Variants in CACNA1E observed in about 807,000 individuals in gnomAD.
CACNA1E encodes the protein voltage-dependent R-type calcium channel subunit alpha-1E.
A neutral mutation model predicts 259.2 loss-of-function variants in CACNA1E; 40 were observed. The observed-to-expected ratio is 0.15, with a 90% CI of 0.12 to 0.20. The LOEUF (loss-of-function observed/expected upper bound fraction) is 0.20, where lower values mean the gene tolerates loss of function less well. CACNA1E is among the 10% of genes least tolerant of loss of function. CACNA1E has a pLI of 1.00. For synonymous variants in CACNA1E, 1,104 were observed against 1,138.5 expected, an observed-to-expected ratio of 0.97 and a Z score of 0.61; for missense variants, 1,874 against 3,040.1, an observed-to-expected ratio of 0.62 and a Z score of 9.02.
chr1:181,418,847 C>CAT lies in CACNA1E; in HGVS notation c.434+5267_434+5268insAT, dbSNP rs541694266. ...CCTTTTATTATTTTTATTCCACACACGTATATGATACTAGATGCCCAGCAC... is the reference window on the plus strand; with the variant it reads ...CCTTTTATTATTTTTATTCCACACACATGTATATGATACTAGATGCCCAGCAC... On this transcript the variant is annotated intron_variant, in intron 2 of 11. Transcript: ENST00000524607. Among the ~76,000 whole-genome samples, 632 of 151,962 alleles carry CAT rather than the reference C, an allele frequency of 4.2e-3. 4 individuals are homozygous for CAT. The highest frequency in any genetic ancestry group is 0.013 in the African/African-American group (555 of 41,420).
chr1:181,490,188 G>T (rs1483799871), intron 1 of CACNA1E, among the ~76,000 whole-genome samples: 1 of 152,166 alleles, frequency 6.6e-6, no homozygotes, highest in Non-Finnish European at 1.5e-5. Context: ...TAGAAGATGT[G>T]TTCTTATAAG....
At chr1:181,554,305 C>T (rs1354887752) in intron 3 of CACNA1E, among the ~76,000 whole-genome samples, 3 of 152,158 alleles carry the variant, frequency 2.0e-5, no homozygotes, top group Non-Finnish European at 2.9e-5. Flanking sequence ...TGAGCCACTG[C>T]GCCCAGCCTG....
chr1:181,520,529 C>T (rs1666921432), intron 3 of CACNA1E, among the ~76,000 whole-genome samples: 1 of 152,010 alleles, frequency 6.6e-6, no homozygotes, highest in Admixed American at 6.5e-5. Flanking sequence ...GGTCATTTAT[C>T]TCTATAAAAC....
At chr1:181,599,837 C>T (rs1305445753) in intron 6 of CACNA1E, among the ~76,000 whole-genome samples, 1 of 152,196 alleles carries the variant, frequency 6.6e-6, no homozygotes, top group East Asian at 1.9e-4. Context: ...TTTCCAATTG[C>T]ATTTTTTTAA....
intron 2 of CACNA1E, among the ~76,000 whole-genome samples, chr1:181,455,225 A>C (rs1187797579): frequency 2.6e-5 from 4 of 152,226 alleles, no homozygotes; most frequent in Non-Finnish European, 4.4e-5. Flanking sequence ...AATTTGGCTC[A>C]TCCTTGAAAT....
At chr1:181,627,460 G>A (rs773010271) in intron 6 of CACNA1E, among the ~76,000 whole-genome samples, 7 of 152,194 alleles carry the variant, frequency 4.6e-5, no homozygotes, top group Admixed American at 1.3e-4. Context: ...CCTTAGGAGT[G>A]GGGGGAGATA....
chr1:181,680,523 A>G (rs1160933089), intron 7 of CACNA1E, among the ~76,000 whole-genome samples: 1 of 152,138 alleles, frequency 6.6e-6, no homozygotes, highest in Non-Finnish European at 1.5e-5. Flanking sequence ...TTCCACCCGC[A>G]CATGTTCTCT....
At chr1:181,548,131 T>TTCTTTTC (rs769789886) in intron 3 of CACNA1E, among the ~76,000 whole-genome samples, 6 of 126,442 alleles carry the variant, frequency 4.7e-5, no homozygotes, top group African/African-American at 3.0e-4. Flanking sequence ...TTTTTTTTCT[T>TTCTTTTC]TTTTTTTTTT....
chr1:181,726,407 A>G (rs534272375), intron 18 of CACNA1E, among the ~76,000 whole-genome samples: 8 of 152,350 alleles, frequency 5.3e-5, no homozygotes, highest in South Asian at 2.1e-4. Flanking sequence ...ACAGGGTCCT[A>G]TGGTGGAGAA....
chr1:181,542,694 G>A (rs888269018), intron 3 of CACNA1E, among the ~76,000 whole-genome samples: 1 of 151,806 alleles, frequency 6.6e-6, no homozygotes, highest in Non-Finnish European at 1.5e-5. Flanking sequence ...TGAACTGTGA[G>A]TCAGTTAAAA....
chr1:181,766,401 A>T, intron 34 of CACNA1E, 145 bp from the exon 35 acceptor site: 1 of 651,296 alleles, frequency 1.5e-6, no homozygotes, highest in South Asian at 1.9e-5. Context: ...TACACCTCAA[A>T]ACAGAACAAC....
intron 6 of CACNA1E, among the ~76,000 whole-genome samples, chr1:181,635,965 G>A (rs1328449798): frequency 6.6e-6 from 1 of 152,158 alleles, no homozygotes; most frequent in Non-Finnish European, 1.5e-5. Context: ...TATATGGGGT[G>A]ATAAGTATTG....
chr1:181,716,117 A>G lies in CACNA1E; in HGVS notation c.1303A>G (p.Ile435Val). ...RDSSDEHCVDISSVGTPLARA... is the reference protein window; with the variant it reads ...RDSSDEHCVDVSSVGTPLARA... ...CTCCAGTGATGAGCACTGTGTTGAT[A>G]TCTCCTCTGTGGGTGAGTGGATCCA... The change falls in exon 10 of 48, where the codon ATC (isoleucine) becomes GTC (valine). Residue 435 changes from isoleucine (I) to valine (V), a missense_variant. Around this residue, in one of 14 missense-constraint regions of CACNA1E, gnomAD observed 157 missense variants for 203.5 expected, o/e 0.77. Transcript: ENST00000367573. The G allele has an allele frequency of 6.4e-7, 1 of 1,561,196 alleles. No homozygotes were observed. The highest frequency in any genetic ancestry group is 8.7e-7 in the Non-Finnish European group (1 of 1,150,676).
chr1:181,475,892 A>G (rs938631190), intron 2 of CACNA1E, among the ~76,000 whole-genome samples: 1 of 152,132 alleles, frequency 6.6e-6, no homozygotes, highest in African/African-American at 2.4e-5. Context: ...TCTAGGAGCT[A>G]GATGTGGTGT....
At chr1:181,624,953 G>A (rs1038107019) in intron 6 of CACNA1E, among the ~76,000 whole-genome samples, 1 of 151,912 alleles carries the variant, frequency 6.6e-6, no homozygotes, top group African/African-American at 2.4e-5. Context: ...AATGGATGTT[G>A]TGTTATCAGG....
intron 1 of CACNA1E, among the ~76,000 whole-genome samples, chr1:181,343,959 C>A (rs994308347): frequency 7.9e-5 from 12 of 152,166 alleles, no homozygotes; most frequent in Non-Finnish European, 1.6e-4. Context: ...CTTGTCCCTA[C>A]CCCCCTCACC....
rs376700412 is a variant in CACNA1E at position 181,485,176 on chromosome 1, G to A, written c.266+1166G>A. Among the ~76,000 whole-genome samples, 10 of 152,148 alleles carry A rather than the reference G, an allele frequency of 6.6e-5. No individual in the cohort carries two copies. The highest frequency in any genetic ancestry group is 5.9e-4 in the Admixed American group (9 of 15,272). ...ATTTGGGAGGGATGCATCTGCAATG[G>A]AGGCCCCTTCTTTTCTCCCCTATTC... On this transcript the variant is annotated intron_variant, in intron 1 of 47. Transcript: ENST00000367573. The surrounding 1 kb of genome is among the most constrained non-coding windows in gnomAD (Gnocchi z 4.2).
At chr1:181,545,527 T>A (rs955007859) in intron 3 of CACNA1E, among the ~76,000 whole-genome samples, 1 of 152,040 alleles carries the variant, frequency 6.6e-6, no homozygotes, top group Non-Finnish European at 1.5e-5. Flanking sequence ...GTGGGAGATT[T>A]CCTCCTCCCA....
chr1:181,372,522 A>G (rs1295189741), intron 1 of CACNA1E, among the ~76,000 whole-genome samples: 2 of 152,142 alleles, frequency 1.3e-5, no homozygotes, highest in Non-Finnish European at 2.9e-5. Context: ...TTTTCTAGGT[A>G]TAGAATCATA....
Sources: allele counts gnomAD v4.1 joint callset (sites outside exome capture counted in the v4.1 genomes callset), GRCh38; gene constraint gnomAD v4.1.1; regional missense constraint gnomAD v4.1.1; non-coding constraint Gnocchi (gnomAD v3.1); transcripts MANE v1.5; gene names NCBI Gene and HGNC (gene_info 2026-07-23, HGNC 2026-07-21).